Variants in GYG1 observed in about 807,000 individuals in gnomAD.
GYG1 encodes glycogenin-1.
A neutral mutation model predicts 41.9 loss-of-function variants in GYG1; 44 were observed. That is an observed-to-expected ratio of 1.05 (90% confidence interval 0.83 to 1.35). The LOEUF is 1.35. Ranked by LOEUF, GYG1 falls within the 40% of genes most tolerant of loss-of-function variation. GYG1 has a pLI of 0.00. For missense variants in GYG1, 429 were observed against 418.9 expected, an observed-to-expected ratio of 1.02 and a Z score of -0.21; for synonymous variants, 141 against 158.1, an observed-to-expected ratio of 0.89 and a Z score of 0.81.
chr3:148,992,337 G>GGAAGGACCA (rs1440155039), intron 1 of GYG1: 2 of 152,524 alleles, frequency 1.3e-5, no homozygotes, highest in African/African-American at 4.8e-5. Context: ...GTGTCATTGA[G>GGAAGGACCA]GCTAATAGCC....
intron 4 of GYG1, among the ~76,000 whole-genome samples, chr3:149,006,007 T>C (rs745346567): frequency 6.6e-6 from 1 of 151,966 alleles, no homozygotes; most frequent in Non-Finnish European, 1.5e-5. Flanking sequence ...CTTTATCACA[T>C]GGGTAGATTG....
chr3:149,001,870 A>C (rs929024530), intron 4 of GYG1, among the ~76,000 whole-genome samples: 2 of 152,274 alleles, frequency 1.3e-5, no homozygotes, highest in East Asian at 1.9e-4. Flanking sequence ...GGGATGGAGG[A>C]AGATCCCTAT....
At chr3:149,025,812 A>C (rs762930796) in intron 6 of GYG1, among the ~76,000 whole-genome samples, 31 of 152,212 alleles carry the variant, frequency 2.0e-4, no homozygotes, top group Non-Finnish European at 4.1e-4. Flanking sequence ...CTTTTATGGC[A>C]GGTGAAGGGA....
chr3:149,026,289 A>G (rs1714646521), intron 6 of GYG1, among the ~76,000 whole-genome samples, 163 bp from the exon 7 acceptor site: 1 of 152,212 alleles, frequency 6.6e-6, no homozygotes, highest in Admixed American at 6.5e-5. Flanking sequence ...ATAACTGAGT[A>G]TGTGTTGCGG....
rs117524456 is a variant in GYG1, at chr3:149,026,098, G to C, written c.829-354G>C. 4.0e-3 allele frequency among the ~76,000 whole-genome samples: 612 copies of C among 152,230 alleles called. 12 individuals carry two copies. Among genetic ancestry groups the C allele is most frequent in the East Asian group, 0.023 (118 of 5,194 alleles). ...TTTAAATACATACCTATATGCTTACGTATATACGTAATTATGAACCAAGGA... is the reference window on the plus strand; with the variant it reads ...TTTAAATACATACCTATATGCTTACCTATATACGTAATTATGAACCAAGGA... On this transcript the variant is annotated intron_variant, in intron 6 of 7. Coordinates refer to ENST00000345003, the MANE Select transcript of GYG1 (RefSeq NM_004130.4).
Position 149,030,371 on chromosome 3 carries a change from C to T in GYG1, c.*3438C>T, listed in dbSNP as rs1233756210. 9.2e-5 allele frequency: 14 copies of T among 151,974 alleles called. No individual in the cohort carries two copies. The highest frequency in any genetic ancestry group is 2.7e-4 in the African/African-American group (11 of 41,366). The allele number at this position is 151,974 out of a possible 1,614,324, so 9.4% of individuals were successfully genotyped here. Reference sequence around the variant, plus strand: ...ACTTTTAAAATATAACAACATCTAACAGAACTGTACAAAACAAAGAGACAT... The same window carrying T: ...ACTTTTAAAATATAACAACATCTAATAGAACTGTACAAAACAAAGAGACAT... On this transcript the variant is annotated 3_prime_UTR_variant, in exon 8 of 8. Transcript: ENST00000345003.
Position 149,029,282 on chromosome 3 carries a change from G to A in GYG1, c.*2349G>A, listed in dbSNP as rs191049255. On this transcript the variant is annotated 3_prime_UTR_variant, in exon 8 of 8. Transcript: ENST00000345003. ...GTTACTTAGTAAAATGTATAAAAAGGCAACAGTAATTCAAATTACAAGATT... is the reference window on the plus strand; with the variant it reads ...GTTACTTAGTAAAATGTATAAAAAGACAACAGTAATTCAAATTACAAGATT... Among the ~76,000 whole-genome samples, 77 of 152,222 alleles carry A rather than the reference G, an allele frequency of 5.1e-4. No individual in the cohort carries two copies. The highest frequency in any genetic ancestry group is 3.7e-3 in the Admixed American group (57 of 15,288).
intron 4 of GYG1, among the ~76,000 whole-genome samples, chr3:148,997,215 G>A (rs1712852378): frequency 1.3e-5 from 2 of 152,080 alleles, no homozygotes; most frequent in African/African-American, 4.8e-5. Context: ...AAATTCAAAA[G>A]ACTGAAAAAC....
chr3:149,005,709 A>G (rs141689196), intron 4 of GYG1, among the ~76,000 whole-genome samples: 12 of 152,356 alleles, frequency 7.9e-5, no homozygotes, highest in African/African-American at 2.4e-4. Flanking sequence ...GGAATTTAGC[A>G]TCTAATTCCT....
chr3:148,998,750 T>C (rs1712943256), intron 4 of GYG1, among the ~76,000 whole-genome samples: 1 of 152,248 alleles, frequency 6.6e-6, no homozygotes, highest in Non-Finnish European at 1.5e-5. Context: ...TCAAAAGATG[T>C]ATTCCTTATT....
chr3:148,999,766 GTGT>G (rs1237703223), intron 4 of GYG1, among the ~76,000 whole-genome samples: 1 of 152,062 alleles, frequency 6.6e-6, no homozygotes, highest in Non-Finnish European at 1.5e-5. Flanking sequence ...TTTTGGTTAG[GTGT>G]TGTGCTGTAG....
At chr3:149,007,907 A>G (rs897750624) in intron 4 of GYG1, 9 of 152,204 alleles carry the variant, frequency 5.9e-5, no homozygotes, top group African/African-American at 2.2e-4. Flanking sequence ...TGAGTCTAAA[A>G]TAGAAAGCAC....
At chr3:148,999,631 A>G (rs1048869445) in intron 4 of GYG1, among the ~76,000 whole-genome samples, 2 of 152,232 alleles carry the variant, frequency 1.3e-5, no homozygotes, top group Non-Finnish European at 2.9e-5. Flanking sequence ...TTCTTTATGG[A>G]CAATGACTTT....
At chr3:149,004,173 TCACCTGTGTTACCA>T (rs1402276820) in intron 4 of GYG1, 1 of 152,230 alleles carries the variant, frequency 6.6e-6, no homozygotes, top group Non-Finnish European at 1.5e-5. Context: ...TCCCTGTCTC[TCACCTGTGTTACCA>T]CACCCTGGTG....
chr3:148,993,809 C>T (rs1712630759), intron 1 of GYG1, among the ~76,000 whole-genome samples: 1 of 152,220 alleles, frequency 6.6e-6, no homozygotes, highest in African/African-American at 2.4e-5. Flanking sequence ...AGCAAATGTA[C>T]TACTTGATCT....
At chr3:149,013,544 CCTTTA>C (rs1313813277) in intron 5 of GYG1, among the ~76,000 whole-genome samples, 1 of 152,054 alleles carries the variant, frequency 6.6e-6, no homozygotes, top group Non-Finnish European at 1.5e-5. Context: ...TTTGTTTTAC[CCTTTA>C]CTTGAGTTTA....
At chr3:149,021,412 A>G (rs1714368556) in intron 5 of GYG1, among the ~76,000 whole-genome samples, 1 of 152,214 alleles carries the variant, frequency 6.6e-6, no homozygotes, top group Admixed American at 6.5e-5. Context: ...AAGCTTGGGG[A>G]TATCAAATAT....
chr3:149,017,490 G>T (rs1714112108), intron 5 of GYG1, among the ~76,000 whole-genome samples: 1 of 150,584 alleles, frequency 6.6e-6, no homozygotes, highest in South Asian at 2.1e-4. Flanking sequence ...CTGGGTTGAG[G>T]TCAGTTCAAC....
intron 5 of GYG1, among the ~76,000 whole-genome samples, chr3:149,016,104 C>A (rs1012841374): frequency 3.2e-4 from 48 of 151,452 alleles, no homozygotes; most frequent in African/African-American, 1.1e-3. Context: ...ACTAAAAATA[C>A]AAAAAAATTA....
Sources: allele counts gnomAD v4.1 joint callset (sites outside exome capture counted in the v4.1 genomes callset), GRCh38; gene constraint gnomAD v4.1.1; transcripts MANE v1.5; gene names NCBI Gene and HGNC (gene_info 2026-07-23, HGNC 2026-07-21).